The following GAB2 variants were observed in gnomAD, a reference collection of about 807,000 sequenced individuals.
GAB2 encodes the protein GRB2 associated binding protein 2, also known as GRB2-associated-binding protein 2.
In GAB2, 26 loss-of-function variants were observed where a neutral mutation model predicts 65.5. The observed-to-expected ratio is 0.40, with a 90% CI of 0.29 to 0.55. The LOEUF (loss-of-function observed/expected upper bound fraction) is 0.55. Ranked by LOEUF, GAB2 falls within the 20% of genes least tolerant of loss-of-function variation. The pLI, the probability that GAB2 is intolerant of heterozygous loss-of-function variation, is 0.53. For synonymous variants in GAB2, 321 were observed against 329.6 expected, an observed-to-expected ratio of 0.97 and a Z score of 0.28; for missense variants, 884 against 875.8, an observed-to-expected ratio of 1.01 and a Z score of -0.12.
chr11:78,219,048 G>A lies in GAB2; in HGVS notation c.*224C>T, dbSNP rs1417835903. The A allele has an allele frequency of 5.6e-6, 3 of 539,280 alleles. No homozygotes were observed. The highest frequency in any genetic ancestry group is 9.9e-6 in the Non-Finnish European group (3 of 303,944). The allele number at this position is 539,280 out of a possible 1,614,324, so 33.4% of individuals were successfully genotyped here. A position where few individuals can be genotyped will look rare whatever the true frequency, so the allele number is the denominator to read the frequency against. On this transcript the variant is annotated 3_prime_UTR_variant, in exon 10 of 10. Coordinates refer to ENST00000361507, the MANE Select transcript of GAB2 (RefSeq NM_080491.3). Reference sequence around the variant, plus strand: ...GGTGGGTGGAGGCATGGCCATTACTGATAAAAATCACAGCTGGGCCCCGAG... The same window carrying A: ...GGTGGGTGGAGGCATGGCCATTACTAATAAAAATCACAGCTGGGCCCCGAG...
chr11:78,230,990 C>A (rs1354087051), intron 3 of GAB2, among the ~76,000 whole-genome samples: 1 of 152,292 alleles, frequency 6.6e-6, no homozygotes, highest in Non-Finnish European at 1.5e-5. Context: ...GGCTTCTCTT[C>A]CAGGGCTGGG....
chr11:78,276,111 C>CAAAAAA (rs539148797), intron 2 of GAB2, among the ~76,000 whole-genome samples: 9 of 97,374 alleles, frequency 9.2e-5, no homozygotes, highest in Non-Finnish European at 1.7e-4. Context: ...AAGACTGTCT[C>CAAAAAA]AAAAAAAAAA....
At chr11:78,251,150 A>G (rs1015856858) in intron 2 of GAB2, among the ~76,000 whole-genome samples, 10 of 145,364 alleles carry the variant, frequency 6.9e-5, no homozygotes, top group Non-Finnish European at 1.3e-4. Context: ...TAATTACAGG[A>G]AAAAAAAAAG....
intron 1 of GAB2, among the ~76,000 whole-genome samples, chr11:78,324,300 A>C (rs1433711039): frequency 6.6e-6 from 1 of 152,144 alleles, no homozygotes; most frequent in African/African-American, 2.4e-5. Flanking sequence ...TGATCCCAAG[A>C]GTGGGGACTT....
At chr11:78,356,993 T>C (rs11601726) in intron 1 of GAB2, among the ~76,000 whole-genome samples, 11,360 of 151,960 alleles carry the variant, frequency 0.075, 571 homozygotes, top group Non-Finnish European at 0.11. Flanking sequence ...GGATTAGGGG[T>C]TGGTGAGTAG....
intron 1 of GAB2, among the ~76,000 whole-genome samples, chr11:78,416,660 C>A (rs2135106238): frequency 6.6e-6 from 1 of 152,274 alleles, no homozygotes; most frequent in Admixed American, 6.5e-5. Context: ...CTTCCAGCAA[C>A]CTTACCCCCA....
intron 3 of GAB2, among the ~76,000 whole-genome samples, chr11:78,240,986 C>T (rs1410545004): frequency 1.3e-5 from 2 of 152,216 alleles, no homozygotes; most frequent in East Asian, 3.8e-4. Flanking sequence ...GCACCAGTAC[C>T]TAGAACCCAG....
In GAB2 at chr11:78,222,142, A is replaced by AGG; in HGVS notation, c.1619_1620dup (p.Phe541ProfsTer194). The AGG allele has an allele frequency of 6.2e-7, 1 of 1,613,910 alleles. No homozygotes were observed. Among genetic ancestry groups the AGG allele is most frequent in the Non-Finnish European group, 8.5e-7 (1 of 1,179,786 alleles). On this transcript the variant is annotated frameshift_variant, in exon 7 of 10. Coordinates refer to ENST00000361507, the MANE Select transcript of GAB2 (RefSeq NM_080491.3). LOFTEE classifies it high-confidence loss of function. ...CAAGACTTGGTGATAGGTGACTTGA[A>AGG]GGGGAGTTCATCGATGACGGTGTTG...
At chr11:78,233,947 G>A (rs1433078880) in intron 3 of GAB2, among the ~76,000 whole-genome samples, 1 of 152,102 alleles carries the variant, frequency 6.6e-6, no homozygotes, top group Non-Finnish European at 1.5e-5. Context: ...TGAAGAACTA[G>A]TTTTAATTTT....
At chr11:78,400,790 G>C (rs1272756618) in intron 1 of GAB2, among the ~76,000 whole-genome samples, 3 of 148,216 alleles carry the variant, frequency 2.0e-5, no homozygotes, top group Admixed American at 7.0e-5. Context: ...TGTAATCCCA[G>C]CTTCTCTGGA....
rs140243004 is a variant in GAB2 at position 78,300,958 on chromosome 11, G to A, written c.76-20057C>T. Among the ~76,000 whole-genome samples, 139 of 152,238 alleles carry A rather than the reference G, an allele frequency of 9.1e-4. 1 individual carries two copies. The highest frequency in any genetic ancestry group is 3.3e-3 in the African/African-American group (135 of 41,538). ...AATCCACCTGCCTTGGCCTCCCAAA[G>A]TGCTGGGATTACAGGTGTAAGCCAC... is the stretch of plus-strand genomic sequence containing the variant. On this transcript the variant is annotated intron_variant, in intron 1 of 9. Transcript: ENST00000361507.
intron 2 of GAB2, among the ~76,000 whole-genome samples, chr11:78,264,506 T>C (rs1865822801): frequency 6.6e-6 from 1 of 152,048 alleles, no homozygotes; most frequent in Non-Finnish European, 1.5e-5. Flanking sequence ...ATTCAAGTGA[T>C]TTTCCTGCCG....
At chr11:78,387,305 T>C (rs1202568452) in intron 1 of GAB2, among the ~76,000 whole-genome samples, 1 of 152,232 alleles carries the variant, frequency 6.6e-6, no homozygotes, top group East Asian at 1.9e-4. Context: ...TGGGCTGTCA[T>C]CTTCTCTAGA....
chr11:78,333,572 G>A lies in GAB2; in HGVS notation c.76-52671C>T, dbSNP rs186980253. 9.9e-5 allele frequency among the ~76,000 whole-genome samples: 15 copies of A among 152,268 alleles called. No individual in the cohort carries two copies. In the East Asian group the frequency reaches 2.9e-3, roughly 29 times the overall value. Reference sequence around the variant, plus strand: ...TGTTAGCCACCACCCCCTGCCCAGTGGCATATTTTTATACACAGTGGGAGC... The same window carrying A: ...TGTTAGCCACCACCCCCTGCCCAGTAGCATATTTTTATACACAGTGGGAGC... On this transcript the variant is annotated intron_variant, in intron 1 of 9. Transcript: ENST00000361507.
At chr11:78,230,546 T>C (rs566185657) in intron 3 of GAB2, among the ~76,000 whole-genome samples, 2 of 152,388 alleles carry the variant, frequency 1.3e-5, no homozygotes, top group East Asian at 1.9e-4. Flanking sequence ...TATTCTGCCT[T>C]ATGTCAGTTA....
intron 2 of GAB2, among the ~76,000 whole-genome samples, chr11:78,262,163 AG>A (rs1237572380): frequency 6.6e-6 from 1 of 151,534 alleles, no homozygotes; most frequent in Admixed American, 6.6e-5. Flanking sequence ...AGTTTTGCCT[AG>A]GGAATTATGA....
intron 1 of GAB2, among the ~76,000 whole-genome samples, chr11:78,374,340 T>C (rs941445687): frequency 2.6e-5 from 4 of 152,210 alleles, no homozygotes; most frequent in Non-Finnish European, 5.9e-5. Flanking sequence ...GTCACAGGTT[T>C]CACTTTTGTC....
intron 1 of GAB2, among the ~76,000 whole-genome samples, chr11:78,308,720 G>C (rs527570429): frequency 6.6e-6 from 1 of 152,236 alleles, no homozygotes; most frequent in Admixed American, 6.5e-5. Context: ...CAAAAGCATG[G>C]GCATGACTAC....
intron 1 of GAB2, among the ~76,000 whole-genome samples, chr11:78,299,654 A>C (rs563367614): frequency 7.8e-4 from 119 of 152,348 alleles, no homozygotes; most frequent in Non-Finnish European, 1.5e-3. Context: ...AGTATTCTAC[A>C]AAAATGGAGG....
Sources: gnomAD v4.1 joint callset for allele counts (sites outside exome capture counted in the v4.1 genomes callset) on GRCh38, gnomAD v4.1.1 for gene constraint, MANE v1.5 for transcripts, NCBI Gene and HGNC (gene_info 2026-07-23, HGNC 2026-07-21) for gene names.